Variants in GRIK2 observed in about 807,000 individuals in gnomAD.
GRIK2 encodes the protein glutamate receptor ionotropic, kainate 2.
Under a neutral mutation model 100.3 loss-of-function variants are expected in GRIK2, and 32 were observed. The observed-to-expected ratio is 0.32, with a 90% CI of 0.24 to 0.43. The LOEUF is 0.43. Among genes scored for constraint, GRIK2 ranks in the 20% least tolerant of loss-of-function variants. The pLI is 1.00. For synonymous variants in GRIK2, 417 were observed against 389.4 expected (o/e 1.07, Z -0.83); for missense variants, 843 against 1,114.9 (o/e 0.76, Z 3.47).
intron 2 of GRIK2, among the ~76,000 whole-genome samples, chr6:101,554,931 G>C (rs561776064): frequency 6.6e-6 from 1 of 151,962 alleles, no homozygotes; most frequent in African/African-American, 2.4e-5. Flanking sequence ...ATGGAGCTGT[G>C]GTATAACTCA....
intron 7 of GRIK2, 23 bp downstream of exon 7, chr6:101,686,376 C>G (rs746562154): frequency 6.3e-6 from 10 of 1,586,244 alleles, no homozygotes; most frequent in Admixed American, 5.0e-5. Flanking sequence ...ACTTAAAGAT[C>G]AGTTTGTGTG....
At chr6:101,951,320 G>C (rs1213871764) in intron 14 of GRIK2, among the ~76,000 whole-genome samples, 1 of 152,090 alleles carries the variant, frequency 6.6e-6, no homozygotes, top group East Asian at 1.9e-4. Flanking sequence ...CTAACCTTTA[G>C]TCCTGTGTCA....
At chr6:101,723,610 C>T (rs1256205968) in intron 7 of GRIK2, among the ~76,000 whole-genome samples, 1 of 151,904 alleles carries the variant, frequency 6.6e-6, no homozygotes, top group East Asian at 1.9e-4. Context: ...TTGGAAGGAA[C>T]CTTATTGATC....
At chr6:102,037,118 G>T (rs895569721) in intron 15 of GRIK2, among the ~76,000 whole-genome samples, 1 of 150,946 alleles carries the variant, frequency 6.6e-6, no homozygotes, top group Non-Finnish European at 1.5e-5. Flanking sequence ...AAAAAAGCTC[G>T]AATTAGTTTT....
chr6:102,028,536 G>T (rs959237045), intron 14 of GRIK2, among the ~76,000 whole-genome samples: 1 of 151,202 alleles, frequency 6.6e-6, no homozygotes, highest in Non-Finnish European at 1.5e-5. Flanking sequence ...ATTTTTAGTG[G>T]CAGATAGGAT....
At chr6:102,038,577 G>T in intron 15 of GRIK2, among the ~76,000 whole-genome samples, 1 of 151,256 alleles carries the variant, frequency 6.6e-6, no homozygotes, top group African/African-American at 2.4e-5. Flanking sequence ...CATTGCTGAA[G>T]CATACTGAAA....
chr6:101,671,066 T>A (rs1770397242), intron 4 of GRIK2, among the ~76,000 whole-genome samples: 1 of 152,190 alleles, frequency 6.6e-6, no homozygotes, highest in Non-Finnish European at 1.5e-5. Flanking sequence ...GCAATTTTTA[T>A]TTTCTTTATT....
intron 2 of GRIK2, among the ~76,000 whole-genome samples, chr6:101,615,120 A>G (rs915647528): frequency 1.3e-5 from 2 of 151,692 alleles, no homozygotes; most frequent in Non-Finnish European, 2.9e-5. Context: ...TGCCCATGAA[A>G]AAGAAAGGTA....
chr6:101,785,754 G>A (rs528716008), intron 7 of GRIK2, among the ~76,000 whole-genome samples: 3 of 152,150 alleles, frequency 2.0e-5, no homozygotes, highest in Admixed American at 6.5e-5. Context: ...GTATTGTGAT[G>A]CCTTCAGCTT....
chr6:101,599,125 G>A (rs1450912902), intron 2 of GRIK2, among the ~76,000 whole-genome samples: 3 of 151,594 alleles, frequency 2.0e-5, no homozygotes, highest in Non-Finnish European at 2.9e-5. Flanking sequence ...TTATGTCCAT[G>A]AGCATCCAAT....
intron 10 of GRIK2, among the ~76,000 whole-genome samples, chr6:101,819,673 A>G (rs1781837274): frequency 6.6e-6 from 1 of 152,150 alleles, no homozygotes; most frequent in Admixed American, 6.6e-5. Context: ...ACAATTACAC[A>G]TCCTCTTTCT....
At chr6:101,396,606 T>G (rs189022421) in intron 1 of GRIK2, among the ~76,000 whole-genome samples, 5 of 152,308 alleles carry the variant, frequency 3.3e-5, no homozygotes, top group Admixed American at 2.0e-4. Flanking sequence ...ATAGTCCTCT[T>G]GATAATGTGA....
At chr6:101,650,578 G>A (rs746016604) in intron 4 of GRIK2, among the ~76,000 whole-genome samples, 1 of 152,110 alleles carries the variant, frequency 6.6e-6, no homozygotes, top group Non-Finnish European at 1.5e-5. Context: ...GTGATGGTTG[G>A]TGAGCCCAGG....
intron 7 of GRIK2, among the ~76,000 whole-genome samples, chr6:101,756,542 A>C (rs1352253778): frequency 6.6e-6 from 1 of 152,172 alleles, no homozygotes; most frequent in Non-Finnish European, 1.5e-5. Context: ...GTTTTCTCCT[A>C]AGCAAAGCCT....
In GRIK2 at chr6:101,606,290, C is replaced by T. The variant is rs140771680; in HGVS notation, c.116-15659C>T. ...CTCAGAAATAGGATTTAATTTTAAA[C>T]GTGTCGTTTGTTATGAAAATTAATC... On this transcript the variant is annotated intron_variant, in intron 2 of 16. Coordinates refer to ENST00000369134, the MANE Select transcript of GRIK2 (RefSeq NM_021956.5). 4.3e-3 allele frequency among the ~76,000 whole-genome samples: 649 copies of T among 152,034 alleles called. 3 individuals are homozygous for T. The highest frequency in any genetic ancestry group is 0.013 in the African/African-American group (559 of 41,510).
chr6:101,688,379 C>G (rs974167950), intron 7 of GRIK2, among the ~76,000 whole-genome samples: 7 of 151,800 alleles, frequency 4.6e-5, no homozygotes, highest in Non-Finnish European at 8.8e-5. Flanking sequence ...GTGAGTCCCT[C>G]TGTGACTTTA....
chr6:101,824,617 G>T (rs1156947690), intron 10 of GRIK2, among the ~76,000 whole-genome samples: 1 of 152,082 alleles, frequency 6.6e-6, no homozygotes, highest in Non-Finnish European at 1.5e-5. Context: ...TCCTTCTTTT[G>T]TTGACTAGTA....
At chr6:101,823,716 A>C (rs1782113517) in intron 10 of GRIK2, among the ~76,000 whole-genome samples, 1 of 152,124 alleles carries the variant, frequency 6.6e-6, no homozygotes, top group Non-Finnish European at 1.5e-5. Context: ...TAACGTGCTA[A>C]ACCTTCAGTT....
chr6:101,802,788 T>C (rs949982972), intron 9 of GRIK2, among the ~76,000 whole-genome samples: 4 of 151,904 alleles, frequency 2.6e-5, no homozygotes, highest in Admixed American at 6.6e-5. Flanking sequence ...TATGGTTGCA[T>C]AGACTTTCCA....
Sources: allele counts gnomAD v4.1 joint callset (sites outside exome capture counted in the v4.1 genomes callset), GRCh38; gene constraint gnomAD v4.1.1; transcripts MANE v1.5; gene names NCBI Gene and HGNC (gene_info 2026-07-23, HGNC 2026-07-21).